SMARCA4: variants seen among roughly 807,000 people sequenced by gnomAD.
SMARCA4 encodes SWI/SNF-related matrix-associated actin-dependent regulator of chromatin subfamily A member 4.
SMARCA4 carries 31 observed loss-of-function variants against 193.9 expected under a neutral mutation model. That is an observed-to-expected ratio of 0.16 (90% CI 0.12 to 0.22). The LOEUF is 0.22. Ranked by LOEUF, SMARCA4 falls within the 10% of genes least tolerant of loss-of-function variation. SMARCA4 has a pLI of 1.00. For missense variants in SMARCA4, 1,148 were observed against 2,296.0 expected, an observed-to-expected ratio of 0.50 and a Z score of 10.22; for synonymous variants, 942 against 933.1, an observed-to-expected ratio of 1.01 and a Z score of -0.17.
At position 11,030,761 on chromosome 19, in the gene SMARCA4, G is replaced by A. The variant is rs2146598589; in HGVS notation, c.3414G>A (p.Leu1138=). The A allele has an allele frequency of 6.2e-7, 1 of 1,611,920 alleles. No individual in the cohort carries two copies. Among genetic ancestry groups the A allele is most frequent in the Non-Finnish European group, 8.5e-7 (1 of 1,179,266 alleles). ...GTTKAEDRGM[L]LKTFNEPGSE... The stretch of plus-strand genomic sequence containing the variant: ...CGAAGGCGGAGGACCGGGGCATGCT[G>A]CTGAAAACCTTCAACGAGCCCGGCT... Residue 1138 remains leucine, a synonymous_variant, in exon 25 of 35, where the codon CTG becomes CTA. Coordinates refer to ENST00000344626, the MANE Select transcript of SMARCA4 (RefSeq NM_003072.5). The surrounding 1 kb of genome is among the most constrained non-coding windows in gnomAD (Gnocchi z 5.5).
chr19:11,027,473 G>T (rs1277184835), intron 23 of SMARCA4, among the ~76,000 whole-genome samples: 2 of 152,192 alleles, frequency 1.3e-5, no homozygotes, highest in Non-Finnish European at 2.9e-5. Flanking sequence ...GAGCATCCCT[G>T]TTCCAGCCCC....
rs929040233 is a variant in SMARCA4, at chr19:10,984,868, A to C, written c.223-405A>C. Among the ~76,000 whole-genome samples the C allele has an allele frequency of 3.3e-5, 5 of 152,166 alleles. No individual in the cohort carries two copies. The highest frequency in any genetic ancestry group is 1.2e-4 in the African/African-American group (5 of 41,446). On this transcript the variant is annotated intron_variant, in intron 2 of 34. Coordinates refer to ENST00000344626, the MANE Select transcript of SMARCA4 (RefSeq NM_003072.5). The surrounding 1 kb of genome is among the most constrained non-coding windows in gnomAD (Gnocchi z 4.3). ...GTCAGCAAGGTGGAGAAGGCTCTTT[A>C]TGGTCACAAGTCTCTTTTGCATGTC...
At position 10,980,527 on chromosome 19, in the gene SMARCA4, G is replaced by A. The variant is rs188178308; in HGVS notation, c.-31-3594G>A. On this transcript the variant is annotated intron_variant, in intron 1 of 34. Coordinates refer to ENST00000344626, the MANE Select transcript of SMARCA4 (RefSeq NM_003072.5). ...CATACGCCTGTAGTCCCAGCTACTCGGGAGGCTGAGGCATGAGAATCGCTT... is the reference window on the plus strand; with the variant it reads ...CATACGCCTGTAGTCCCAGCTACTCAGGAGGCTGAGGCATGAGAATCGCTT... Among the ~76,000 whole-genome samples, 243 of 152,108 alleles carry A rather than the reference G, an allele frequency of 1.6e-3. 1 individual carries two copies. Among genetic ancestry groups the A allele is most frequent in the Non-Finnish European group, 2.7e-3 (182 of 67,990 alleles).
At chr19:11,055,925 G>A (rs746631059) in intron 30 of SMARCA4, among the ~76,000 whole-genome samples, 10 of 151,752 alleles carry the variant, frequency 6.6e-5, no homozygotes, top group Non-Finnish European at 1.5e-4. Flanking sequence ...GGCAAAGCGC[G>A]CTGCTTTTCA....
In SMARCA4 at chr19:10,987,694, G is replaced by A. The variant is rs545237924; in HGVS notation, c.888G>A (p.Thr296=). ...EGPMANAAAP[T]STPQKLIPPQ... is the part of the protein sequence containing the mutation. ...CCATGGCGAATGCTGCTGCCCCCACGAGCACCCCTCAGAAGCTGATTCCCC... is the reference window on the plus strand; with the variant it reads ...CCATGGCGAATGCTGCTGCCCCCACAAGCACCCCTCAGAAGCTGATTCCCC... The change falls in exon 6 of 35, where the codon ACG becomes ACA. Residue 296 remains threonine, a synonymous_variant. Coordinates refer to ENST00000344626, the MANE Select transcript of SMARCA4 (RefSeq NM_003072.5). This position sits in a 1 kb window ranked among gnomAD's most constrained non-coding sequence, Gnocchi z 5.3. 24 of 1,612,610 alleles carry A rather than the reference G, an allele frequency of 1.5e-5. No homozygotes were observed. The East Asian group carries it at 1.8e-4, about 12-fold the overall frequency.
chr19:10,977,546 A>G (rs557047875), intron 1 of SMARCA4: 1 of 152,020 alleles, frequency 6.6e-6, no homozygotes, highest in East Asian at 1.9e-4. Context: ...CTGGTGTTGA[A>G]CTTCTCACCT....
At chr19:10,989,583 C>CA in intron 7 of SMARCA4, 140 bp downstream of exon 7, 2 of 919,944 alleles carry the variant, frequency 2.2e-6, no homozygotes, top group African/African-American at 3.3e-5. Context: ...CATGGGCACT[C>CA]AATCACTGCA....
chr19:10,990,955 A>T (rs2086503811), intron 7 of SMARCA4, among the ~76,000 whole-genome samples, 195 bp from the exon 8 acceptor site: 1 of 152,242 alleles, frequency 6.6e-6, no homozygotes, highest in Admixed American at 6.5e-5. Context: ...AGATGTCCAG[A>T]AGTGATCACC....
In SMARCA4 at chr19:11,061,927, G is replaced by C; in HGVS notation, c.*111G>C. 1 of 1,024,498 alleles carries C rather than the reference G, an allele frequency of 9.8e-7. No homozygotes were observed. The highest frequency in any genetic ancestry group is 1.5e-6 in the Non-Finnish European group (1 of 648,328). 63.5% of individuals were successfully genotyped at this position (1,024,498 alleles called of 1,614,324 possible). The stretch of plus-strand genomic sequence containing the variant: ...GTAGTTTCAGACTTGGAGTAAAACT[G>C]TATAAACAAAAGAATCTTCCATATT... On this transcript the variant is annotated 3_prime_UTR_variant, in exon 35 of 35. Transcript: ENST00000344626.
At chr19:11,061,204 A>AAAAAT (rs1555797070) in intron 34 of SMARCA4, among the ~76,000 whole-genome samples, 53 of 45,192 alleles carry the variant, frequency 1.2e-3, no homozygotes, top group African/African-American at 5.9e-3. Flanking sequence ...AAAAAAAAAA[A>AAAAAT]ATATATATAT....
intron 1 of SMARCA4, among the ~76,000 whole-genome samples, chr19:10,964,870 C>T (rs1011527481): frequency 6.6e-6 from 1 of 152,140 alleles, no homozygotes; most frequent in East Asian, 1.9e-4. Flanking sequence ...ATCTGCCCAC[C>T]TCGGCCTCCC....
chr19:11,048,089 G>A (rs1885132880), intron 30 of SMARCA4, among the ~76,000 whole-genome samples: 1 of 152,110 alleles, frequency 6.6e-6, no homozygotes, highest in Non-Finnish European at 1.5e-5. Context: ...GCCCTTCCTT[G>A]GCCCCACACA....
At chr19:10,982,257 C>T (rs2085612081) in intron 1 of SMARCA4, among the ~76,000 whole-genome samples, 3 of 151,928 alleles carry the variant, frequency 2.0e-5, no homozygotes, top group Admixed American at 6.6e-5. Flanking sequence ...GTTGGGATCA[C>T]GAGGTCAGGA....
chr19:10,984,283 G>T lies in SMARCA4; in HGVS notation c.132G>T (p.Gly44=), dbSNP rs1377214956. The change falls in exon 2 of 35, where the codon GGG becomes GGT. Residue 44 remains glycine, a synonymous_variant. Transcript: ENST00000344626. This position sits in a 1 kb window ranked among gnomAD's most constrained non-coding sequence, Gnocchi z 4.3. ...CGGGCTCCGCCCACAGCATGATGGG[G>T]CCCAGCCCAGGGCCGCCCTCAGCAG... ...PSPGSAHSMM[G]PSPGPPSAGH... 4 of 1,609,974 alleles carry T rather than the reference G, an allele frequency of 2.5e-6. No individual in the cohort carries two copies. The highest frequency in any genetic ancestry group is 3.4e-5 in the Admixed American group (2 of 59,564).
At chr19:10,976,852 T>C (rs112967589) in intron 1 of SMARCA4, among the ~76,000 whole-genome samples, 15,080 of 151,466 alleles carry the variant, frequency 0.1, 799 homozygotes, top group Middle Eastern at 0.12. Context: ...CTCAGGAGTT[T>C]GAGACCAGCC....
chr19:11,049,358 T>C (rs541813582), intron 30 of SMARCA4, among the ~76,000 whole-genome samples: 27 of 152,198 alleles, frequency 1.8e-4, no homozygotes, highest in Non-Finnish European at 3.5e-4. Context: ...AATTAAGAAA[T>C]TAAGTTACAT....
At chr19:11,029,917 C>G (rs562002295) in intron 24 of SMARCA4, among the ~76,000 whole-genome samples, 4 of 152,152 alleles carry the variant, frequency 2.6e-5, no homozygotes, top group Non-Finnish European at 5.9e-5. Context: ...CTCAGGCGAT[C>G]CACCCACCTC....
chr19:11,025,730 T>C (rs2090206255), intron 22 of SMARCA4: 2 of 541,564 alleles, frequency 3.7e-6, no homozygotes, highest in South Asian at 1.8e-5. Context: ...CCCTGAAAGC[T>C]TGCCCTCAGA....
chr19:11,046,950 A>C lies in SMARCA4; in HGVS notation c.4424+5390A>C, dbSNP rs1248514030. Among the ~76,000 whole-genome samples, 4 of 83,076 alleles carry C rather than the reference A, an allele frequency of 4.8e-5. No individual in the cohort carries two copies. The East Asian group carries it at 9.1e-4, about 19-fold the overall frequency. 54.5% of individuals were successfully genotyped at this position (83,076 alleles called of 152,430 possible). ...GTGACAGAGGTGAGACCCTGTTGCAAAAAAAAAAAAAAAAAAAGCAAAAGA... is the reference window on the plus strand; with the variant it reads ...GTGACAGAGGTGAGACCCTGTTGCACAAAAAAAAAAAAAAAAAGCAAAAGA... On this transcript the variant is annotated intron_variant, in intron 30 of 34. Transcript: ENST00000344626.
Sources: allele counts gnomAD v4.1 joint callset (sites outside exome capture counted in the v4.1 genomes callset), GRCh38; gene constraint gnomAD v4.1.1; non-coding constraint Gnocchi (gnomAD v3.1); transcripts MANE v1.5; gene names NCBI Gene and HGNC (gene_info 2026-07-23, HGNC 2026-07-21).